The following HTR1F variants were observed in gnomAD, a reference collection of about 807,000 sequenced individuals.
HTR1F encodes the protein 5-hydroxytryptamine receptor 1F.
HTR1F carries 17 observed loss-of-function variants against 24.0 expected under a neutral mutation model. The ratio of observed to expected loss-of-function variants is 0.71; its 90% confidence interval spans 0.48 to 1.06. The LOEUF is 1.06. Among genes scored for constraint, HTR1F ranks in the 50% least tolerant of loss-of-function variants. HTR1F has a pLI of 0.00. For missense variants in HTR1F, 391 were observed against 427.8 expected, an observed-to-expected ratio of 0.91 and a Z score of 0.76; for synonymous variants, 186 against 156.8, an observed-to-expected ratio of 1.19 and a Z score of -1.39.
chr3:87,910,708 A>G (rs1341683326), intron 2 of HTR1F, among the ~76,000 whole-genome samples: 1 of 151,992 alleles, frequency 6.6e-6, no homozygotes, highest in African/African-American at 2.4e-5. Flanking sequence ...CTAAAATTGA[A>G]CACACAGTCA....
intron 2 of HTR1F, among the ~76,000 whole-genome samples, chr3:87,876,298 C>T (rs920611777): frequency 2.0e-5 from 3 of 152,136 alleles, no homozygotes; most frequent in Admixed American, 6.5e-5. Context: ...AAGAGCTGTT[C>T]CCACACCTAT....
chr3:87,908,938 T>G (rs1703720428), intron 2 of HTR1F, among the ~76,000 whole-genome samples: 1 of 152,102 alleles, frequency 6.6e-6, no homozygotes, highest in Admixed American at 6.6e-5. Context: ...AAAAACATAT[T>G]TGTGCATTGA....
chr3:87,936,503 T>C (rs548615700), intron 2 of HTR1F, among the ~76,000 whole-genome samples: 1 of 152,180 alleles, frequency 6.6e-6, no homozygotes, highest in East Asian at 1.9e-4. Flanking sequence ...TTTAATTTTT[T>C]AATAAATGAA....
intron 2 of HTR1F, among the ~76,000 whole-genome samples, chr3:87,966,940 T>C (rs1305922577): frequency 1.3e-5 from 2 of 152,156 alleles, no homozygotes; most frequent in Admixed American, 6.5e-5. Context: ...AACTTTATAC[T>C]CTTAATTAGT....
intron 2 of HTR1F, among the ~76,000 whole-genome samples, chr3:87,834,308 TG>T (rs1169473521): frequency 6.6e-6 from 1 of 152,182 alleles, no homozygotes; most frequent in Non-Finnish European, 1.5e-5. Context: ...TATGTATGTG[TG>T]TATATGTGTA....
At chr3:87,980,873 G>A (rs1343213754) in intron 2 of HTR1F, among the ~76,000 whole-genome samples, 2 of 152,178 alleles carry the variant, frequency 1.3e-5, no homozygotes, top group African/African-American at 2.4e-5. Flanking sequence ...GCTGGGAGTG[G>A]GGAGAGATCA....
intron 2 of HTR1F, among the ~76,000 whole-genome samples, chr3:87,863,679 A>G (rs936625262): frequency 6.6e-6 from 1 of 152,180 alleles, no homozygotes; most frequent in African/African-American, 2.4e-5. Context: ...TGCTCCTTAA[A>G]ATTCTTCCAT....
chr3:87,856,766 C>A (rs1705207723), intron 2 of HTR1F, among the ~76,000 whole-genome samples: 1 of 152,062 alleles, frequency 6.6e-6, no homozygotes, highest in African/African-American at 2.4e-5. Context: ...TAAATATGTG[C>A]ATTCAGACAA....
intron 2 of HTR1F, among the ~76,000 whole-genome samples, chr3:87,972,824 C>T (rs1179313811): frequency 6.6e-6 from 1 of 151,972 alleles, no homozygotes; most frequent in Non-Finnish European, 1.5e-5. Context: ...CTCTCCATCA[C>T]CTTGTTTCAT....
intron 1 of HTR1F, among the ~76,000 whole-genome samples, chr3:87,795,544 C>T (rs1056127584): frequency 1.3e-5 from 2 of 152,072 alleles, no homozygotes; most frequent in Non-Finnish European, 2.9e-5. Context: ...AAACAAGATG[C>T]TGTGTGTTGC....
At chr3:87,873,498 C>T (rs1397615109) in intron 2 of HTR1F, among the ~76,000 whole-genome samples, 2 of 152,124 alleles carry the variant, frequency 1.3e-5, no homozygotes, top group Non-Finnish European at 2.9e-5. Context: ...ATGATGCCCA[C>T]CTCAATTGAT....
chr3:87,818,086 C>A (rs970797804), intron 1 of HTR1F, among the ~76,000 whole-genome samples: 2 of 152,098 alleles, frequency 1.3e-5, no homozygotes, highest in Non-Finnish European at 2.9e-5. Context: ...GGATTCTGCA[C>A]GTACTATTTG....
At chr3:87,822,171 T>G (rs1704372705) in intron 2 of HTR1F, among the ~76,000 whole-genome samples, 47 bp downstream of exon 2, 1 of 151,236 alleles carries the variant, frequency 6.6e-6, no homozygotes, top group African/African-American at 2.4e-5. Flanking sequence ...AATTGACAAT[T>G]AGTGAAAAAA....
At chr3:87,984,381 T>G (rs1705616376) in intron 2 of HTR1F, among the ~76,000 whole-genome samples, 2 of 152,186 alleles carry the variant, frequency 1.3e-5, no homozygotes, top group African/African-American at 4.8e-5. Context: ...TTTGTTTTGC[T>G]GTTTTGATTT....
At chr3:87,977,298 G>A (rs574903699) in intron 2 of HTR1F, among the ~76,000 whole-genome samples, 13 of 151,270 alleles carry the variant, frequency 8.6e-5, no homozygotes, top group Non-Finnish European at 1.6e-4. Context: ...AAGTTTTTTA[G>A]AAGCCAGGTA....
rs998925203 is a variant in HTR1F at position 87,992,531 on chromosome 3, T to C, written c.*681T>C. The C allele has an allele frequency of 2.9e-4, 49 of 167,050 alleles. No homozygotes were observed. The highest frequency in any genetic ancestry group is 1.2e-3 in the African/African-American group (48 of 41,462). 10.3% of individuals were successfully genotyped at this position (167,050 alleles called of 1,614,324 possible). A position where few individuals can be genotyped will look rare whatever the true frequency, so the allele number is the denominator to read the frequency against. On this transcript the variant is annotated 3_prime_UTR_variant, in exon 3 of 3. Transcript: ENST00000319595. ...TGTTTGATATAAACTTCTAGAATAATATTATCTTATCCTTATATTATCAGC... is the reference window on the plus strand; with the variant it reads ...TGTTTGATATAAACTTCTAGAATAACATTATCTTATCCTTATATTATCAGC...
intron 2 of HTR1F, among the ~76,000 whole-genome samples, chr3:87,979,652 G>A (rs1199907117): frequency 6.6e-6 from 1 of 152,206 alleles, no homozygotes; most frequent in Non-Finnish European, 1.5e-5. Flanking sequence ...TCGGCCCACT[G>A]GGCTTGTTCT....
At chr3:87,856,049 T>C (rs1251035407) in intron 2 of HTR1F, among the ~76,000 whole-genome samples, 1 of 152,086 alleles carries the variant, frequency 6.6e-6, no homozygotes, top group South Asian at 2.1e-4. Flanking sequence ...AAAAATTATA[T>C]TTCAAGGTTG....
intron 1 of HTR1F, among the ~76,000 whole-genome samples, chr3:87,805,203 G>GTT (rs796790816): frequency 6.9e-6 from 1 of 145,352 alleles, no homozygotes; most frequent in Non-Finnish European, 1.5e-5. Flanking sequence ...GTAGAGCAAG[G>GTT]TTTTTTTTTT....
Sources: allele counts gnomAD v4.1 joint callset (sites outside exome capture counted in the v4.1 genomes callset), GRCh38; gene constraint gnomAD v4.1.1; transcripts MANE v1.5; gene names NCBI Gene and HGNC (gene_info 2026-07-23, HGNC 2026-07-21).